Variants in SLC24A2 observed in about 807,000 individuals in gnomAD.
SLC24A2 encodes solute carrier family 24 member 2, also known as sodium/potassium/calcium exchanger 2.
Under a neutral mutation model 62.0 loss-of-function variants are expected in SLC24A2, and 36 were observed. The observed-to-expected ratio is 0.58, with a 90% CI of 0.44 to 0.77. The LOEUF (loss-of-function observed/expected upper bound fraction) is 0.77. SLC24A2 is among the 30% of genes least tolerant of loss of function. The pLI is 0.00. For missense variants in SLC24A2, 846 were observed against 817.9 expected (o/e 1.03, Z -0.42); for synonymous variants, 358 against 294.0 (o/e 1.22, Z -2.23).
the SLC24A2 span, among the ~76,000 whole-genome samples, chr9:20,110,106 A>G: frequency 3.8e-3 from 574 of 152,174 alleles, 4 homozygotes; most frequent in African/African-American, 0.013. Flanking sequence ...AGTACTACTC[A>G]CTCATTTCAT....
chr9:19,731,180 G>A (rs1211963773), intron 2 of SLC24A2, among the ~76,000 whole-genome samples: 1 of 152,052 alleles, frequency 6.6e-6, no homozygotes, highest in Non-Finnish European at 1.5e-5. Context: ...TCTAGCTGGT[G>A]GAAAAAATAT....
intron 4 of SLC24A2, among the ~76,000 whole-genome samples, chr9:19,606,488 C>T (rs1414548057): frequency 6.6e-6 from 1 of 152,212 alleles, no homozygotes; most frequent in Non-Finnish European, 1.5e-5. Flanking sequence ...CTTAAACTGG[C>T]ATTCAGGGAG....
At chr9:19,743,251 A>G (rs1349363915) in intron 2 of SLC24A2, among the ~76,000 whole-genome samples, 2 of 152,198 alleles carry the variant, frequency 1.3e-5, no homozygotes, top group Non-Finnish European at 2.9e-5. Context: ...AGGTTATGTC[A>G]TAGGGTTAGT....
chr9:19,921,675 C>T, the SLC24A2 span, among the ~76,000 whole-genome samples: 1 of 151,996 alleles, frequency 6.6e-6, no homozygotes, highest in African/African-American at 2.4e-5. Context: ...AATCCCTCAC[C>T]TGAATGCATT....
intron 2 of SLC24A2, among the ~76,000 whole-genome samples, chr9:19,657,031 A>C (rs1818961925): frequency 6.6e-6 from 1 of 152,178 alleles, no homozygotes; most frequent in Non-Finnish European, 1.5e-5. Context: ...TTCCCTCTGC[A>C]GTGGCTGAAT....
the SLC24A2 span, among the ~76,000 whole-genome samples, chr9:19,970,924 T>C: frequency 6.6e-6 from 1 of 152,148 alleles, no homozygotes; most frequent in East Asian, 1.9e-4. Context: ...TAATGGAAGG[T>C]AGAACTAACA....
intron 2 of SLC24A2, among the ~76,000 whole-genome samples, chr9:19,665,810 T>C (rs1172117280): frequency 1.3e-5 from 2 of 152,018 alleles, no homozygotes; most frequent in Non-Finnish European, 2.9e-5. Flanking sequence ...TGTATGTACA[T>C]AGTGCATTCA....
intron 2 of SLC24A2, among the ~76,000 whole-genome samples, chr9:19,625,075 A>G (rs560514094): frequency 2.6e-5 from 4 of 152,222 alleles, no homozygotes; most frequent in Admixed American, 6.5e-5. Context: ...CATTAAATAC[A>G]TGGCAAGTTT....
chr9:20,230,747 A>G, the SLC24A2 span, among the ~76,000 whole-genome samples: 1 of 152,026 alleles, frequency 6.6e-6, no homozygotes, highest in African/African-American at 2.4e-5. Context: ...ATGAGATCCC[A>G]TTTGTCAATT....
chr9:19,997,699 G>C, the SLC24A2 span, among the ~76,000 whole-genome samples: 1 of 152,206 alleles, frequency 6.6e-6, no homozygotes, highest in African/African-American at 2.4e-5. Context: ...GAGTGAGCAA[G>C]ACAAACTCCA....
intron 8 of SLC24A2, among the ~76,000 whole-genome samples, chr9:19,530,442 C>T (rs532894763): frequency 5.9e-5 from 9 of 152,250 alleles, no homozygotes; most frequent in South Asian, 4.1e-4. Context: ...ATAGATTGCT[C>T]GTTTTCCAGG....
At chr9:19,686,756 A>C (rs1032815303) in intron 2 of SLC24A2, among the ~76,000 whole-genome samples, 3 of 152,144 alleles carry the variant, frequency 2.0e-5, no homozygotes, top group Non-Finnish European at 2.9e-5. Context: ...TGAGTCAATT[A>C]AACCTCCTTT....
intron 2 of SLC24A2, among the ~76,000 whole-genome samples, chr9:19,628,425 G>T (rs1410711680): frequency 3.3e-5 from 5 of 152,144 alleles, no homozygotes; most frequent in African/African-American, 9.7e-5. Context: ...GGCTATTTCT[G>T]TACTTAGGAT....
the SLC24A2 span, among the ~76,000 whole-genome samples, chr9:20,060,390 C>T: frequency 5.6e-5 from 8 of 141,654 alleles, no homozygotes; most frequent in South Asian, 1.5e-3. Context: ...AACATAGATG[C>T]AAAAATCCTT....
intron 2 of SLC24A2, among the ~76,000 whole-genome samples, chr9:19,667,566 C>G (rs1278483467): frequency 1.3e-5 from 2 of 152,130 alleles, no homozygotes; most frequent in African/African-American, 4.8e-5. Flanking sequence ...CTTCTAGCCT[C>G]TAGTCTTGGA....
At chr9:19,559,846 T>C (rs1453039583) in intron 7 of SLC24A2, among the ~76,000 whole-genome samples, 1 of 152,230 alleles carries the variant, frequency 6.6e-6, no homozygotes, top group African/African-American at 2.4e-5. Flanking sequence ...AGCATACTAA[T>C]GACCTTCCTT....
At chr9:19,872,203 T>C in the SLC24A2 span, among the ~76,000 whole-genome samples, 1 of 152,158 alleles carries the variant, frequency 6.6e-6, no homozygotes, top group African/African-American at 2.4e-5. Flanking sequence ...TATAGGAACA[T>C]GCATTGTTTA....
the SLC24A2 span, among the ~76,000 whole-genome samples, chr9:20,298,641 C>T: frequency 6.6e-6 from 1 of 152,252 alleles, no homozygotes; most frequent in African/African-American, 2.4e-5. Context: ...CCAATGATTT[C>T]TATTAGCAGC....
chr9:19,883,554 T>C, the SLC24A2 span, among the ~76,000 whole-genome samples: 5 of 136,470 alleles, frequency 3.7e-5, no homozygotes, highest in Admixed American at 4.0e-4. Flanking sequence ...ATCTGTAAAA[T>C]GATGTTTCTG....
Sources: allele counts gnomAD v4.1 joint callset (sites outside exome capture counted in the v4.1 genomes callset), GRCh38; gene constraint gnomAD v4.1.1; transcripts MANE v1.5; gene names NCBI Gene and HGNC (gene_info 2026-07-23, HGNC 2026-07-21).